Variants in PTPRK observed in about 807,000 individuals in gnomAD.
The protein encoded by PTPRK is receptor-type tyrosine-protein phosphatase kappa.
A neutral mutation model predicts 178.0 loss-of-function variants in PTPRK; 75 were observed. The ratio of observed to expected loss-of-function variants is 0.42; its 90% CI spans 0.35 to 0.51. The LOEUF (loss-of-function observed/expected upper bound fraction) is 0.51. Ranked by LOEUF, PTPRK falls within the 20% of genes least tolerant of loss-of-function variation. The pLI is 0.02. For missense variants in PTPRK, 1,441 were observed against 1,797.8 expected, an observed-to-expected ratio of 0.80 and a Z score of 3.59; for synonymous variants, 637 against 620.6, an observed-to-expected ratio of 1.03 and a Z score of -0.39.
intron 3 of PTPRK, among the ~76,000 whole-genome samples, chr6:128,297,490 G>A (rs1035068244): frequency 7.2e-5 from 11 of 152,110 alleles, no homozygotes; most frequent in Non-Finnish European, 1.6e-4. Flanking sequence ...GCTCTCCTCA[G>A]CAAATGTAAA....
intron 3 of PTPRK, among the ~76,000 whole-genome samples, chr6:128,276,601 A>G (rs1216066112): frequency 6.6e-6 from 1 of 152,180 alleles, no homozygotes; most frequent in Non-Finnish European, 1.5e-5. Context: ...CAATAAATGC[A>G]GCAAGCAGCT....
intron 1 of PTPRK, among the ~76,000 whole-genome samples, chr6:128,509,561 T>C (rs1214688677): frequency 1.3e-5 from 2 of 152,140 alleles, no homozygotes; most frequent in African/African-American, 4.8e-5. Context: ...CCTAACAAAA[T>C]TTACATTTTT....
intron 7 of PTPRK, among the ~76,000 whole-genome samples, chr6:128,126,060 C>A (rs1793315019): frequency 1.4e-5 from 2 of 145,096 alleles, no homozygotes; most frequent in African/African-American, 5.1e-5. Context: ...TATTTTAAGG[C>A]TTTTTTTTTT....
Position 127,991,324 on chromosome 6 carries a change from C to T in PTPRK, c.2949G>A (p.Val983=). The change falls in exon 20 of 30, where the codon GTG becomes GTA. Residue 983 remains valine, a synonymous_variant. Coordinates refer to ENST00000368226, the MANE Select transcript of PTPRK (RefSeq NM_002844.4). The part of the protein sequence containing the change: ...MIWQEQSACI[V]MVTNLVEVGR... ...CAACCTCAACTAAATTTGTAACCATCACAATGCAAGCAGATTGTTCTTGCC... is the reference window on the plus strand; with the variant it reads ...CAACCTCAACTAAATTTGTAACCATTACAATGCAAGCAGATTGTTCTTGCC... 1 of 1,598,992 alleles carries T rather than the reference C, an allele frequency of 6.3e-7. No individual in the cohort carries two copies. Among genetic ancestry groups the T allele is most frequent in the Non-Finnish European group, 8.5e-7 (1 of 1,173,066 alleles).
intron 2 of PTPRK, among the ~76,000 whole-genome samples, chr6:128,342,289 A>G (rs1425829812): frequency 1.3e-5 from 2 of 152,058 alleles, no homozygotes; most frequent in East Asian, 1.9e-4. Context: ...GAGAAAATAG[A>G]TCCTAGGTTT....
chr6:128,373,240 G>A (rs1267734538), intron 2 of PTPRK, among the ~76,000 whole-genome samples: 1 of 152,186 alleles, frequency 6.6e-6, no homozygotes, highest in African/African-American at 2.4e-5. Context: ...TTGCAAAGCT[G>A]CGTTAGTTCA....
intron 3 of PTPRK, among the ~76,000 whole-genome samples, chr6:128,297,170 G>C (rs1824597802): frequency 1.3e-5 from 2 of 151,908 alleles, no homozygotes; most frequent in Non-Finnish European, 2.9e-5. Context: ...AACAAGAAGA[G>C]CTAACTATCC....
At position 128,235,397 on chromosome 6, in the gene PTPRK, C is replaced by T. The variant is rs897639506; in HGVS notation, c.693+4638G>A. 5.9e-5 allele frequency: 12 copies of T among 203,286 alleles called. No individual in the cohort carries two copies. The South Asian group carries it at 6.1e-4, about 10-fold the overall frequency. 12.6% of individuals were successfully genotyped at this position (203,286 alleles called of 1,614,324 possible). On this transcript the variant is annotated intron_variant, in intron 5 of 29. Coordinates refer to ENST00000368226, the MANE Select transcript of PTPRK (RefSeq NM_002844.4). ...CACTTCTCAAGAATATAACCAAATGCTTTTTATTATTTCATTTCAGTATAA... is the reference window on the plus strand; with the variant it reads ...CACTTCTCAAGAATATAACCAAATGTTTTTTATTATTTCATTTCAGTATAA...
intron 3 of PTPRK, among the ~76,000 whole-genome samples, chr6:128,292,303 T>C (rs577341978): frequency 6.6e-6 from 1 of 152,204 alleles, no homozygotes; most frequent in East Asian, 1.9e-4. Context: ...TGCCATATAT[T>C]GTAAACATAA....
intron 3 of PTPRK, among the ~76,000 whole-genome samples, chr6:128,243,466 G>A (rs1814840427): frequency 7.9e-6 from 1 of 127,270 alleles, no homozygotes; most frequent in African/African-American, 3.0e-5. Context: ...CCAGCCTAGG[G>A]AACACAGTGA....
At chr6:128,332,890 A>G (rs147015302) in intron 2 of PTPRK, among the ~76,000 whole-genome samples, 3 of 152,260 alleles carry the variant, frequency 2.0e-5, no homozygotes, top group African/African-American at 4.8e-5. Flanking sequence ...TTCACCAACA[A>G]TTTCAAAGGA....
At chr6:128,104,265 C>T (rs1789289817) in intron 7 of PTPRK, among the ~76,000 whole-genome samples, 1 of 152,140 alleles carries the variant, frequency 6.6e-6, no homozygotes, top group South Asian at 2.1e-4. Flanking sequence ...CTCACTCTGT[C>T]ACCCAGGCTG....
intron 9 of PTPRK, among the ~76,000 whole-genome samples, chr6:128,082,891 CA>C (rs1238541275): frequency 6.6e-6 from 1 of 151,700 alleles, no homozygotes; most frequent in Non-Finnish European, 1.5e-5. Context: ...TTTCTTCCAT[CA>C]AAAAAACCAC....
intron 3 of PTPRK, among the ~76,000 whole-genome samples, chr6:128,307,628 TAA>T (rs1187223959): frequency 6.6e-6 from 1 of 151,820 alleles, no homozygotes; most frequent in East Asian, 1.9e-4. Context: ...AAGAAACAGA[TAA>T]ACCAATAGAT....
intron 1 of PTPRK, among the ~76,000 whole-genome samples, chr6:128,435,999 A>AT (rs1554263086): frequency 2.7e-4 from 35 of 131,982 alleles, no homozygotes; most frequent in Non-Finnish European, 3.8e-4. Context: ...GGAAAAAAAA[A>AT]ATATATATAT....
chr6:128,402,241 TTTTG>T (rs1333398721), intron 1 of PTPRK, among the ~76,000 whole-genome samples: 3 of 152,058 alleles, frequency 2.0e-5, no homozygotes, highest in African/African-American at 7.3e-5. Context: ...AAATTAATGG[TTTTG>T]TTTGTTTGTT....
intron 15 of PTPRK, among the ~76,000 whole-genome samples, chr6:128,001,750 A>G (rs1777857391): frequency 6.6e-6 from 1 of 151,990 alleles, no homozygotes; most frequent in Non-Finnish European, 1.5e-5. Context: ...TTCATATTGT[A>G]AATCCACAGG....
rs569180545 is a variant in PTPRK, at chr6:128,424,650, G to A, written c.101-26962C>T. Reference sequence around the variant, plus strand: ...AAAGGCTGGAGGATACTCTTCTAGTGTCACTTCTCTTCCAGAAAAGGGAAG... The same window carrying A: ...AAAGGCTGGAGGATACTCTTCTAGTATCACTTCTCTTCCAGAAAAGGGAAG... On this transcript the variant is annotated intron_variant, in intron 1 of 29. Coordinates refer to ENST00000368226, the MANE Select transcript of PTPRK (RefSeq NM_002844.4). Among the ~76,000 whole-genome samples the A allele has an allele frequency of 2.0e-5, 3 of 152,210 alleles. No homozygotes were observed. The South Asian group carries it at 6.2e-4, about 32-fold the overall frequency.
At chr6:128,307,563 G>T (rs561338710) in intron 3 of PTPRK, among the ~76,000 whole-genome samples, 1 of 151,748 alleles carries the variant, frequency 6.6e-6, no homozygotes, top group East Asian at 1.9e-4. Flanking sequence ...AGACAAGCAT[G>T]TATTATTGTC....
Sources: gnomAD v4.1 joint callset for allele counts (sites outside exome capture counted in the v4.1 genomes callset) on GRCh38, gnomAD v4.1.1 for gene constraint, MANE v1.5 for transcripts, NCBI Gene and HGNC (gene_info 2026-07-23, HGNC 2026-07-21) for gene names.